Variants in SEC14L4 observed in about 807,000 individuals in gnomAD.
SEC14L4 encodes the protein SEC14 like lipid binding 4, also known as SEC14-like protein 4.
Under a neutral mutation model 55.1 loss-of-function variants are expected in SEC14L4, and 42 were observed. That is an observed-to-expected ratio of 0.76 (90% CI 0.60 to 0.99). The LOEUF (loss-of-function observed/expected upper bound fraction) is 0.99. Ranked by LOEUF, SEC14L4 falls within the 50% of genes least tolerant of loss-of-function variation. The probability of loss-of-function intolerance (pLI) is 0.00; values close to 1 mark genes in which losing one functional copy is unlikely to be tolerated. For synonymous variants in SEC14L4, 206 were observed against 206.8 expected (o/e 1.00, Z 0.03); for missense variants, 445 against 512.1 (o/e 0.87, Z 1.27).
At chr22:30,497,524 G>GA (rs751995736) in intron 2 of SEC14L4, among the ~76,000 whole-genome samples, 295 of 124,304 alleles carry the variant, frequency 2.4e-3, no homozygotes, top group African/African-American at 3.2e-3. Flanking sequence ...GACCCTGTCT[G>GA]AAAAAAAAAA....
intron 2 of SEC14L4, 120 bp from the exon 3 acceptor site, chr22:30,496,091 T>C (rs34102711): frequency 0.11 from 76,115 of 687,906 alleles, 5,155 homozygotes; most frequent in Non-Finnish European, 0.14. Context: ...CAATAATACA[T>C]TGAACATCTA....
In SEC14L4 at chr22:30,494,909, C is replaced by G; in HGVS notation, c.476G>C (p.Ser159Thr). The change falls in exon 6 of 12, where the codon AGC becomes ACC. Residue 159 changes from serine to threonine, a missense_variant. Coordinates refer to ENST00000255858, the MANE Select transcript of SEC14L4 (RefSeq NM_174977.4). The part of the protein sequence containing the change: ...ALMVFDMEGL[S>T]LKHLWKPAVE... ...AGCTGGCTTCCACAGGTGTTTCAGG[C>G]TCAGCCCCTCCATGTCAAACACCAT... The G allele has an allele frequency of 6.2e-7, 1 of 1,613,744 alleles. No individual in the cohort carries two copies. The highest frequency in any genetic ancestry group is 1.3e-5 in the African/African-American group (1 of 74,956).
Position 30,489,976 on chromosome 22 carries a change from T to C in SEC14L4, c.*131A>G. ...GCCACTGTGCCAGGTGAGCCTACAA[T>C]GAGATGAAATGGTGACGTGGGACAA... is the stretch of plus-strand genomic sequence containing the variant. On this transcript the variant is annotated 3_prime_UTR_variant, in exon 12 of 12. Transcript: ENST00000255858. The C allele has an allele frequency of 4.6e-6, 7 of 1,516,508 alleles. No homozygotes were observed. The highest frequency in any genetic ancestry group is 6.3e-6 in the Non-Finnish European group (7 of 1,113,804). 93.9% of individuals were successfully genotyped at this position (1,516,508 alleles called of 1,614,324 possible). A position where few individuals can be genotyped will look rare whatever the true frequency, so the allele number is the denominator to read the frequency against.
At chr22:30,494,840 A>G in intron 6 of SEC14L4, 26 bp downstream of exon 6, 1 of 1,532,286 alleles carries the variant, frequency 6.5e-7, no homozygotes, top group East Asian at 2.2e-5. Flanking sequence ...TGCCCACACC[A>G]GCCCCAAGCC....
Position 30,492,474 on chromosome 22 carries a change from C to T in SEC14L4, c.664G>A (p.Asp222Asn). The T allele has an allele frequency of 6.2e-7, 1 of 1,613,338 alleles. No homozygotes were observed. ...ETRRKIVILG[D>N]NWKQELTKFI... ...ACAACCAGGGGGCCACGTCGCTCAC[C>T]TCCCAGAATCACAATCTTCCTGCGT... The change falls in exon 8 of 12, where the codon GAC (aspartate) becomes AAC (asparagine). Residue 222 changes from aspartate to asparagine, a missense_variant and splice_region_variant. Physicochemically the swap from Asp to Asn is conservative, Grantham distance 23. Coordinates refer to ENST00000255858, the MANE Select transcript of SEC14L4 (RefSeq NM_174977.4).
intron 2 of SEC14L4, among the ~76,000 whole-genome samples, chr22:30,500,950 C>A (rs922658471): frequency 6.6e-6 from 1 of 151,254 alleles, no homozygotes; most frequent in African/African-American, 2.4e-5. Flanking sequence ...AATCCCCGCA[C>A]TTTGAGAGGC....
chr22:30,502,776 C>T (rs1284436751), intron 2 of SEC14L4, among the ~76,000 whole-genome samples: 5 of 152,168 alleles, frequency 3.3e-5, no homozygotes, highest in Admixed American at 2.6e-4. Context: ...GTCTTGAACT[C>T]CTGAGCTCAA....
chr22:30,496,720 A>G (rs1314845912), intron 2 of SEC14L4, among the ~76,000 whole-genome samples: 1 of 152,210 alleles, frequency 6.6e-6, no homozygotes, highest in African/African-American at 2.4e-5. Flanking sequence ...AATCAGTTAA[A>G]TGAGAACACT....
chr22:30,492,852 G>C (rs1366386689), intron 7 of SEC14L4: 5 of 331,970 alleles, frequency 1.5e-5, no homozygotes, highest in Non-Finnish European at 2.3e-5. Flanking sequence ...GGGAGGCTGA[G>C]GTAGGCAGAT....
intron 7 of SEC14L4, chr22:30,492,788 A>G: frequency 2.1e-6 from 1 of 483,002 alleles, no homozygotes; most frequent in Non-Finnish European, 3.8e-6. Flanking sequence ...GGCTTTCAAT[A>G]AATGGTTGTC....
In SEC14L4 at chr22:30,489,667, A is replaced by G. The variant is rs111938263; in HGVS notation, c.*440T>C. ...CCACCCCTGCTGACCTCCTACATGCAGAGAACAGGGCTTCTCTGCTCTTCA... is the reference window on the plus strand; with the variant it reads ...CCACCCCTGCTGACCTCCTACATGCGGAGAACAGGGCTTCTCTGCTCTTCA... On this transcript the variant is annotated 3_prime_UTR_variant, in exon 12 of 12. Coordinates refer to ENST00000255858, the MANE Select transcript of SEC14L4 (RefSeq NM_174977.4). 235 of 617,062 alleles carry G rather than the reference A, an allele frequency of 3.8e-4. 2 individuals carry two copies. The highest frequency in any genetic ancestry group is 2.1e-3 in the Middle Eastern group (5 of 2,330). 38.2% of individuals were successfully genotyped at this position (617,062 alleles called of 1,614,324 possible).
chr22:30,505,583 G>A lies in SEC14L4; in HGVS notation c.29C>T (p.Pro10Leu). 1 of 1,570,358 alleles carries A rather than the reference G, an allele frequency of 6.4e-7. No individual in the cohort carries two copies. Among genetic ancestry groups the A allele is most frequent in the Non-Finnish European group, 8.6e-7 (1 of 1,161,094 alleles). Residue 10 changes from proline to leucine, a missense_variant, in exon 1 of 12, where the codon CCC becomes CTC. Pro to Leu is a moderately conservative substitution (Grantham distance 98). Coordinates refer to ENST00000255858, the MANE Select transcript of SEC14L4 (RefSeq NM_174977.4). MSSRVGDLS[P>L]QQQEALARFR... The stretch of plus-strand genomic sequence containing the variant: ...CCTGGCCAGCGCTTCCTGCTGCTGG[G>A]GGCTCAGGTCCCCGACTCGGCTGCT...
intron 11 of SEC14L4, 158 bp from the exon 12 acceptor site, chr22:30,490,404 T>A: frequency 1.6e-6 from 2 of 1,234,126 alleles, no homozygotes; most frequent in Non-Finnish European, 2.2e-6. Flanking sequence ...TCCAGGACAG[T>A]GGGTGGGGCC....
intron 5 of SEC14L4, 103 bp downstream of exon 5, chr22:30,495,151 A>G (rs1601847190): frequency 1.7e-6 from 2 of 1,203,220 alleles, no homozygotes; most frequent in East Asian, 5.1e-5. Flanking sequence ...ATTCCACCAG[A>G]GCCCTGGGTG....
rs371267034 is a variant in SEC14L4, at chr22:30,505,686, G to A, written c.-75C>T. ...GCCGCCTGGCCTTGTATCCGCTGCC[G>A]CCTGGTTGTGCCTCCTGGGCCAGAT... On this transcript the variant is annotated 5_prime_UTR_variant, in exon 1 of 12. Coordinates refer to ENST00000255858, the MANE Select transcript of SEC14L4 (RefSeq NM_174977.4). The A allele has an allele frequency of 1.6e-4, 218 of 1,361,648 alleles. No individual in the cohort carries two copies. Among genetic ancestry groups the A allele is most frequent in the Middle Eastern group, 5.0e-4 (2 of 3,982 alleles). 84.3% of individuals were successfully genotyped at this position (1,361,648 alleles called of 1,614,324 possible).
chr22:30,499,857 T>A (rs1420977765), intron 2 of SEC14L4, among the ~76,000 whole-genome samples: 1 of 152,046 alleles, frequency 6.6e-6, no homozygotes, highest in Non-Finnish European at 1.5e-5. Flanking sequence ...AGAATTCGTA[T>A]GAGCTAGAAA....
chr22:30,498,124 C>CTTTTTTT (rs869157636), intron 2 of SEC14L4, among the ~76,000 whole-genome samples: 92 of 98,362 alleles, frequency 9.4e-4, no homozygotes, highest in Non-Finnish European at 1.2e-3. Flanking sequence ...TTTTCATTAT[C>CTTTTTTT]TTTTTTTTTT....
chr22:30,504,505 A>C (rs952097968), intron 1 of SEC14L4, among the ~76,000 whole-genome samples: 1 of 152,184 alleles, frequency 6.6e-6, no homozygotes, highest in Non-Finnish European at 1.5e-5. Flanking sequence ...CTTATCTCTG[A>C]AATGGGGATA....
At chr22:30,502,519 A>G (rs931467879) in intron 2 of SEC14L4, among the ~76,000 whole-genome samples, 6 of 152,196 alleles carry the variant, frequency 3.9e-5, no homozygotes, top group Non-Finnish European at 5.9e-5. Flanking sequence ...GTAATGAGTT[A>G]AGATGAATTT....
Sources: gnomAD v4.1 joint callset for allele counts (sites outside exome capture counted in the v4.1 genomes callset) on GRCh38, gnomAD v4.1.1 for gene constraint, MANE v1.5 for transcripts, NCBI Gene and HGNC (gene_info 2026-07-23, HGNC 2026-07-21) for gene names.